The following PIBF1 variants were observed in gnomAD, a reference collection of about 807,000 sequenced individuals.
PIBF1 encodes the protein progesterone-induced-blocking factor 1.
In PIBF1, 90 loss-of-function variants were observed where a neutral mutation model predicts 112.5. The ratio of observed to expected loss-of-function variants is 0.80; its 90% CI spans 0.67 to 0.95. The LOEUF is 0.95. Ranked by LOEUF, PIBF1 falls within the 40% of genes least tolerant of loss-of-function variation. The pLI is 0.00. For missense variants in PIBF1, 915 were observed against 852.3 expected (o/e 1.07, Z -0.92); for synonymous variants, 301 against 288.6 (o/e 1.04, Z -0.44).
chr13:72,925,245 AAATTT>A (rs2041439909), intron 13 of PIBF1, among the ~76,000 whole-genome samples: 1 of 152,206 alleles, frequency 6.6e-6, no homozygotes, highest in South Asian at 2.1e-4. Flanking sequence ...TCTCACAAAT[AAATTT>A]AATTTAAAAC....
Position 72,870,426 on chromosome 13 carries a change from G to A in PIBF1, c.1322+16271G>A, listed in dbSNP as rs560112946. Among the ~76,000 whole-genome samples, 66 of 152,254 alleles carry A rather than the reference G, an allele frequency of 4.3e-4. 1 individual carries two copies. Among genetic ancestry groups the A allele is most frequent in the Non-Finnish European group, 8.7e-4 (59 of 68,018 alleles). ...TGAGAATCTGGAGAAAAATATGTAC[G>A]TGTGCTCAGATTTCTCTTTGTTGGA... On this transcript the variant is annotated intron_variant, in intron 10 of 17. Transcript: ENST00000326291.
chr13:72,828,307 G>A (rs552768122), intron 8 of PIBF1, among the ~76,000 whole-genome samples: 1 of 148,374 alleles, frequency 6.7e-6, no homozygotes, highest in East Asian at 2.0e-4. Context: ...TTTACGTTCT[G>A]GGGTACATGT....
chr13:72,841,015 G>A (rs1292558491), intron 9 of PIBF1, among the ~76,000 whole-genome samples: 10 of 152,136 alleles, frequency 6.6e-5, no homozygotes, highest in African/African-American at 2.4e-4. Flanking sequence ...ACTAGTTCTT[G>A]AAGTTAAAGT....
At chr13:72,853,968 T>A (rs1240045159) in intron 9 of PIBF1, 89 bp from the exon 10 acceptor site, 4 of 993,238 alleles carry the variant, frequency 4.0e-6, no homozygotes, top group Non-Finnish European at 6.2e-6. Flanking sequence ...CTCAGATGGG[T>A]CCTTAAGATT....
At position 72,783,732 on chromosome 13, in the gene PIBF1, G is replaced by A. The variant is rs750837415; in HGVS notation, c.252+11G>A. 6.2e-7 allele frequency: 1 copy of A among 1,610,578 alleles called. No homozygotes were observed. The highest frequency in any genetic ancestry group is 1.3e-5 in the African/African-American group (1 of 74,746). On this transcript the variant is annotated intron_variant, in intron 2 of 17. Transcript: ENST00000326291. ...GATTATCTTACAAAGGTAAGATCAG[G>A]TTTAAATTTTGTGTTCTATATGCTT...
At chr13:72,947,927 A>G (rs1233234520) in intron 14 of PIBF1, among the ~76,000 whole-genome samples, 1 of 152,238 alleles carries the variant, frequency 6.6e-6, no homozygotes, top group African/African-American at 2.4e-5. Flanking sequence ...TGTCCTTTGC[A>G]GGAACATGGA....
chr13:72,918,381 C>CAATT (rs1566446329), intron 13 of PIBF1, among the ~76,000 whole-genome samples: 1 of 131,742 alleles, frequency 7.6e-6, no homozygotes, highest in African/African-American at 2.8e-5. Flanking sequence ...CAGCAACTAC[C>CAATT]TATTTTTTTT....
chr13:73,004,701 T>A (rs1235557071), intron 17 of PIBF1, among the ~76,000 whole-genome samples: 1 of 152,198 alleles, frequency 6.6e-6, no homozygotes, highest in Non-Finnish European at 1.5e-5. Context: ...TAAAAGTAGA[T>A]AGGTTATACC....
intron 8 of PIBF1, among the ~76,000 whole-genome samples, chr13:72,831,772 A>G (rs565375936): frequency 6.6e-6 from 1 of 152,252 alleles, no homozygotes; most frequent in African/African-American, 2.4e-5. Context: ...TGCTTGGTCC[A>G]GATCTGAGTT....
chr13:72,920,646 A>G (rs140412751), intron 13 of PIBF1, among the ~76,000 whole-genome samples: 84 of 152,264 alleles, frequency 5.5e-4, no homozygotes, highest in African/African-American at 1.9e-3. Flanking sequence ...TTGGAGCCAG[A>G]CGCACTGGCA....
Position 72,854,156 on chromosome 13 carries a change from G to A in PIBF1, c.1322+1G>A. On this transcript the variant is annotated splice_donor_variant, in intron 10 of 17. Coordinates refer to ENST00000326291, the MANE Select transcript of PIBF1 (RefSeq NM_006346.4). LOFTEE classifies it high-confidence loss of function. ...AAAAACACGATCAGCTCTTAGACAG[G>A]TAAGCATCATAAAAATAGAAATGTT... The A allele has an allele frequency of 6.4e-7, 1 of 1,572,862 alleles. No homozygotes were observed. Among genetic ancestry groups the A allele is most frequent in the Non-Finnish European group, 8.7e-7 (1 of 1,143,450 alleles).
chr13:72,957,608 A>G (rs796295382), intron 14 of PIBF1, among the ~76,000 whole-genome samples: 3 of 152,100 alleles, frequency 2.0e-5, no homozygotes, highest in African/African-American at 7.2e-5. Flanking sequence ...AGAAATCACC[A>G]CTAAAGATCT....
chr13:72,932,375 G>A (rs2041739781), intron 14 of PIBF1, among the ~76,000 whole-genome samples: 1 of 151,962 alleles, frequency 6.6e-6, no homozygotes, highest in Non-Finnish European at 1.5e-5. Flanking sequence ...ATATTCTTTA[G>A]AGTGTCTTTT....
chr13:72,787,997 CT>C (rs1449026327), intron 2 of PIBF1, among the ~76,000 whole-genome samples: 1 of 152,170 alleles, frequency 6.6e-6, no homozygotes, highest in African/African-American at 2.4e-5. Flanking sequence ...AAGCCTAGGT[CT>C]TGAAAGAAAG....
chr13:72,956,565 G>GGCAT (rs2042450958), intron 14 of PIBF1, among the ~76,000 whole-genome samples: 1 of 152,096 alleles, frequency 6.6e-6, no homozygotes, highest in Non-Finnish European at 1.5e-5. Flanking sequence ...ATCTATCTGT[G>GGCAT]GCATGGCATT....
At chr13:72,807,489 C>T (rs1418572702) in intron 5 of PIBF1, among the ~76,000 whole-genome samples, 4 of 152,086 alleles carry the variant, frequency 2.6e-5, no homozygotes, top group Admixed American at 6.6e-5. Context: ...GCAGGAGAAT[C>T]GCTTGAACCT....
At chr13:72,830,985 G>C (rs944708792) in intron 8 of PIBF1, among the ~76,000 whole-genome samples, 1 of 152,046 alleles carries the variant, frequency 6.6e-6, no homozygotes, top group Non-Finnish European at 1.5e-5. Context: ...CTTCTTCCTG[G>C]TTTAGACTTG....
chr13:72,892,785 T>TACACAA (rs1555307840), intron 10 of PIBF1, among the ~76,000 whole-genome samples: 5 of 140,796 alleles, frequency 3.6e-5, no homozygotes, highest in African/African-American at 1.3e-4. Context: ...CCTCCTGCCT[T>TACACAA]ACACACACAC....
At chr13:72,791,085 C>T (rs529790865) in intron 2 of PIBF1, among the ~76,000 whole-genome samples, 20 of 151,142 alleles carry the variant, frequency 1.3e-4, no homozygotes, top group Middle Eastern at 3.4e-3. Flanking sequence ...GATGGAGTCT[C>T]ACTCTGTCGC....
Sources: allele counts gnomAD v4.1 joint callset (sites outside exome capture counted in the v4.1 genomes callset), GRCh38; gene constraint gnomAD v4.1.1; transcripts MANE v1.5; gene names NCBI Gene and HGNC (gene_info 2026-07-23, HGNC 2026-07-21).